The following TESC variants were observed in gnomAD, a reference collection of about 807,000 sequenced individuals.
TESC encodes calcineurin B homologous protein 3.
TESC carries 19 observed loss-of-function variants against 31.0 expected under a neutral mutation model. The ratio of observed to expected loss-of-function variants is 0.61; its 90% confidence interval spans 0.43 to 0.90. The LOEUF is 0.90. Ranked by LOEUF, TESC falls within the 40% of genes least tolerant of loss-of-function variation. TESC has a pLI of 0.00. For missense variants in TESC, 248 were observed against 303.8 expected (o/e 0.82, Z 1.36); for synonymous variants, 109 against 114.8 (o/e 0.95, Z 0.32).
chr12:117,083,112 G>A (rs1281809111), intron 1 of TESC, among the ~76,000 whole-genome samples: 2 of 150,742 alleles, frequency 1.3e-5, no homozygotes, highest in Non-Finnish European at 2.9e-5. Context: ...TTGAAACAGA[G>A]TCTTGCTGTG....
At chr12:117,042,053 A>G in intron 6 of TESC, 59 bp from the exon 7 acceptor site, 4 of 1,536,204 alleles carry the variant, frequency 2.6e-6, no homozygotes, top group Non-Finnish European at 3.5e-6. Flanking sequence ...CAGCTTCCGC[A>G]GGGGGACGGT....
At chr12:117,071,077 C>T (rs192677092) in intron 2 of TESC, among the ~76,000 whole-genome samples, 14 of 152,206 alleles carry the variant, frequency 9.2e-5, no homozygotes, top group Admixed American at 3.3e-4. Context: ...TGCCAAGACC[C>T]CTGCTGAATT....
At chr12:117,057,437 T>A (rs770899886) in intron 2 of TESC, among the ~76,000 whole-genome samples, 8 of 152,058 alleles carry the variant, frequency 5.3e-5, no homozygotes, top group Non-Finnish European at 1.0e-4. Flanking sequence ...GGACTGTACA[T>A]TCATCCCCAA....
chr12:117,049,150 C>A lies in TESC; in HGVS notation c.218G>T (p.Arg73Leu), dbSNP rs761040708. The change falls in exon 4 of 8, where the codon CGC becomes CTC. Residue 73 changes from arginine to leucine, a missense_variant. Coordinates refer to ENST00000335209, the MANE Select transcript of TESC (RefSeq NM_017899.4). ...VRAFFDNRNL[R>L]KGPSGLADEI... Reference sequence around the variant, plus strand: ...ATCAGCCAGGCCACTGGGTCCCTTGCGCAGGTTCCTACGGGAGCAACAAGG... The same window carrying A: ...ATCAGCCAGGCCACTGGGTCCCTTGAGCAGGTTCCTACGGGAGCAACAAGG... 7 of 1,614,192 alleles carry A rather than the reference C, an allele frequency of 4.3e-6. No individual in the cohort carries two copies. Among genetic ancestry groups the A allele is most frequent in the Middle Eastern group, 1.6e-4 (1 of 6,062 alleles).
chr12:117,091,552 G>A (rs929557176), intron 1 of TESC, among the ~76,000 whole-genome samples: 5 of 152,344 alleles, frequency 3.3e-5, no homozygotes, highest in Admixed American at 6.5e-5. Context: ...ACCAATCTGC[G>A]GAGCGAGGAC....
intron 3 of TESC, among the ~76,000 whole-genome samples, chr12:117,052,009 C>T (rs778587935): frequency 8.5e-5 from 13 of 152,134 alleles, no homozygotes; most frequent in African/African-American, 1.9e-4. Flanking sequence ...CCTGGCCATA[C>T]GCAATCCTAC....
chr12:117,079,017 C>T (rs913702690), intron 1 of TESC, among the ~76,000 whole-genome samples: 1 of 152,134 alleles, frequency 6.6e-6, no homozygotes, highest in Non-Finnish European at 1.5e-5. Flanking sequence ...ATGCTATTCC[C>T]GTTTTATAGA....
At chr12:117,046,441 C>T in intron 6 of TESC, 118 bp downstream of exon 6, 1 of 1,017,276 alleles carries the variant, frequency 9.8e-7, no homozygotes, top group South Asian at 1.7e-5. Flanking sequence ...GCCCCACAGG[C>T]CACAGGTAGA....
chr12:117,045,604 C>T (rs543498104), intron 6 of TESC, among the ~76,000 whole-genome samples: 2 of 152,316 alleles, frequency 1.3e-5, no homozygotes, highest in Admixed American at 1.3e-4. Context: ...AGGAAACCAA[C>T]CGACCACAGC....
At chr12:117,043,796 C>T (rs1469783722) in intron 6 of TESC, among the ~76,000 whole-genome samples, 1 of 152,174 alleles carries the variant, frequency 6.6e-6, no homozygotes, top group Non-Finnish European at 1.5e-5. Context: ...ATCTCACAAC[C>T]GGCCCTGAGT....
intron 6 of TESC, among the ~76,000 whole-genome samples, chr12:117,045,773 AGGG>A (rs1236371011): frequency 6.6e-6 from 1 of 152,204 alleles, no homozygotes; most frequent in East Asian, 1.9e-4. Context: ...TTAGACACAC[AGGG>A]GCAAAGGGCT....
chr12:117,043,252 T>C (rs1008192476), intron 6 of TESC, among the ~76,000 whole-genome samples: 1 of 151,566 alleles, frequency 6.6e-6, no homozygotes, highest in African/African-American at 2.4e-5. Context: ...TTGGTATATG[T>C]AGGAAAAAAA....
At chr12:117,094,644 G>A (rs1053066546) in intron 1 of TESC, among the ~76,000 whole-genome samples, 17 of 152,154 alleles carry the variant, frequency 1.1e-4, no homozygotes, top group African/African-American at 3.4e-4. Flanking sequence ...CTTAAAGGTC[G>A]GATGGAGAGA....
chr12:117,065,512 G>A (rs183934228), intron 2 of TESC, among the ~76,000 whole-genome samples: 125 of 152,262 alleles, frequency 8.2e-4, no homozygotes, highest in African/African-American at 2.6e-3. Context: ...CATGTTAAGC[G>A]GCATGTCTTA....
chr12:117,081,707 C>T (rs1413641684), intron 1 of TESC, among the ~76,000 whole-genome samples: 1 of 151,750 alleles, frequency 6.6e-6, no homozygotes, highest in African/African-American at 2.4e-5. Context: ...AGTTTGAGAC[C>T]AGCCTGGCCA....
chr12:117,075,490 G>T, intron 1 of TESC, 150 bp from the exon 2 acceptor site: 1 of 770,124 alleles, frequency 1.3e-6, no homozygotes, highest in South Asian at 1.8e-5. Flanking sequence ...CGAGTGCCGG[G>T]TGAAGCAGCA....
intron 6 of TESC, among the ~76,000 whole-genome samples, chr12:117,045,149 G>A (rs894763100): frequency 4.6e-5 from 7 of 152,202 alleles, no homozygotes; most frequent in African/African-American, 9.7e-5. Flanking sequence ...AGGAGCACCC[G>A]GAGGACCCAT....
At chr12:117,041,563 C>A (rs938597907) in intron 7 of TESC, among the ~76,000 whole-genome samples, 5 of 152,036 alleles carry the variant, frequency 3.3e-5, no homozygotes, top group African/African-American at 1.2e-4. Flanking sequence ...GAACTCCTGA[C>A]GTCAGGTGAT....
At chr12:117,050,125 G>GA (rs1490351314) in intron 3 of TESC, among the ~76,000 whole-genome samples, 1 of 128,094 alleles carries the variant, frequency 7.8e-6, no homozygotes, top group African/African-American at 2.9e-5. Context: ...TTAAATAGTT[G>GA]AAAAAATGCT....
Sources: gnomAD v4.1 joint callset for allele counts (sites outside exome capture counted in the v4.1 genomes callset) on GRCh38, gnomAD v4.1.1 for gene constraint, MANE v1.5 for transcripts, NCBI Gene and HGNC (gene_info 2026-07-23, HGNC 2026-07-21) for gene names.